DEF6: variants seen among roughly 807,000 people sequenced by gnomAD.
The protein encoded by DEF6 is DEF6 guanine nucleotide exchange factor, also known as differentially expressed in FDCP 6 homolog.
A neutral mutation model predicts 80.5 loss-of-function variants in DEF6; 32 were observed. The observed-to-expected ratio is 0.40, with a 90% CI of 0.30 to 0.53. The LOEUF (loss-of-function observed/expected upper bound fraction) is 0.53, where lower values mean the gene tolerates loss of function less well. DEF6 is among the 20% of genes least tolerant of loss of function. The pLI, the probability that DEF6 is intolerant of heterozygous loss-of-function variation, is 0.57. For synonymous variants in DEF6, 300 were observed against 337.9 expected, an observed-to-expected ratio of 0.89 and a Z score of 1.23; for missense variants, 575 against 818.7, an observed-to-expected ratio of 0.70 and a Z score of 3.63.
At chr6:35,309,494 CT>C (rs1791434915) in intron 1 of DEF6, among the ~76,000 whole-genome samples, 175 bp from the exon 2 acceptor site, 3 of 152,156 alleles carry the variant, frequency 2.0e-5, no homozygotes, top group South Asian at 4.1e-4. Context: ...ATGTAAAGTA[CT>C]TTAGCTCAGT....
Position 35,314,407 on chromosome 6 carries a change from CAA to C in DEF6, c.807+1654_807+1655del, listed in dbSNP as rs34185807. ...GGGTGACAGGAGTGAAACTCTATCT[CAA>C]AAAAAAAAAAAAAAAAAAGATGTTC... On this transcript the variant is annotated intron_variant, in intron 5 of 10. Transcript: ENST00000316637. 6.0e-3 allele frequency among the ~76,000 whole-genome samples: 595 copies of C among 99,216 alleles called. 3 individuals are homozygous for C. The highest frequency in any genetic ancestry group is 0.01 in the Admixed American group (103 of 9,822). 65.1% of individuals were successfully genotyped at this position (99,216 alleles called of 152,430 possible). A position where few individuals can be genotyped will look rare whatever the true frequency, so the allele number is the denominator to read the frequency against.
In DEF6 at chr6:35,313,962, A is replaced by T. The variant is rs77717258; in HGVS notation, c.807+1190A>T. Among the ~76,000 whole-genome samples the T allele has an allele frequency of 5.3e-4, 81 of 152,360 alleles. No homozygotes were observed. The East Asian group carries it at 0.012, about 22-fold the overall frequency. On this transcript the variant is annotated intron_variant, in intron 5 of 10. Coordinates refer to ENST00000316637, the MANE Select transcript of DEF6 (RefSeq NM_022047.4). ...ACTTTCTTTTAGATATATACCCAGC[A>T]GTGGAACTTCTAGATCATATGATAG... is the stretch of plus-strand genomic sequence containing the variant.
chr6:35,317,858 C>T (rs1791540037), intron 5 of DEF6, 33 bp from the exon 6 acceptor site: 1 of 1,595,044 alleles, frequency 6.3e-7, no homozygotes. Context: ...CCCAGTGAGG[C>T]CAGCCTGGCT....
rs1447353991 is a variant in DEF6 at position 35,308,721 on chromosome 6, ATAAAATAAAT to A, written c.97-948_97-939del. ...ATAAAATAAAATAAAATAAAATAAA[ATAAAATAAAT>A]AAAATAATAAAATAAAATAAAATAA... On this transcript the variant is annotated intron_variant, in intron 1 of 10. Coordinates refer to ENST00000316637, the MANE Select transcript of DEF6 (RefSeq NM_022047.4). Among the ~76,000 whole-genome samples, 4 of 145,576 alleles carry A rather than the reference ATAAAATAAAT, an allele frequency of 2.7e-5. 1 individual carries two copies. The highest frequency in any genetic ancestry group is 6.1e-5 in the Non-Finnish European group (4 of 66,012).
At chr6:35,303,497 C>A (rs1345281263) in intron 1 of DEF6, among the ~76,000 whole-genome samples, 1 of 152,170 alleles carries the variant, frequency 6.6e-6, no homozygotes, top group African/African-American at 2.4e-5. Context: ...TAATGAGCAT[C>A]CATTAGGTGC....
chr6:35,312,132 T>C lies in DEF6; in HGVS notation c.424-170T>C, dbSNP rs1352465110. 6.6e-6 allele frequency among the ~76,000 whole-genome samples: 1 copy of C among 152,128 alleles called. No homozygotes were observed. The highest frequency in any genetic ancestry group is 1.9e-4 in the East Asian group (1 of 5,184). ...AGTTGGGGTTGGGGCTCCAGGATCCTCTCCCAGGTCTTTTCCCTGGCTCCA... is the reference window on the plus strand; with the variant it reads ...AGTTGGGGTTGGGGCTCCAGGATCCCCTCCCAGGTCTTTTCCCTGGCTCCA... On this transcript the variant is annotated intron_variant, in intron 3 of 10. Coordinates refer to ENST00000316637, the MANE Select transcript of DEF6 (RefSeq NM_022047.4). This position sits in a 1 kb window ranked among gnomAD's most constrained non-coding sequence, Gnocchi z 6.6.
chr6:35,312,466 C>T lies in DEF6; in HGVS notation c.588C>T (p.Gly196=), dbSNP rs752905282. Residue 196 remains glycine, a synonymous_variant, in exon 4 of 11, where the codon GGC becomes GGT. Transcript: ENST00000316637. The surrounding 1 kb of genome is among the most constrained non-coding windows in gnomAD (Gnocchi z 6.6). The part of the protein sequence containing the change: ...ELFNSGRCLR[G]VGRDTLSMAI... The stretch of plus-strand genomic sequence containing the variant: ...TCAATTCGGGCCGCTGCCTGCGGGG[C>T]GTGGGCCGGGACACCCTCAGCATGG... 1.8e-5 allele frequency: 29 copies of T among 1,614,018 alleles called. No homozygotes were observed. In the East Asian group the frequency reaches 3.6e-4, roughly 20 times the overall value.
chr6:35,318,044 C>A lies in DEF6; in HGVS notation c.916+45C>A. ...CTTGGGTCTGGGTGGTCCTTAGGCG[C>A]CTCATCTGTGAAAAGGGGGTGATAA... On this transcript the variant is annotated intron_variant, in intron 6 of 10. Transcript: ENST00000316637. The surrounding 1 kb of genome is among the most constrained non-coding windows in gnomAD (Gnocchi z 5.1). 6.3e-7 allele frequency: 1 copy of A among 1,579,522 alleles called. No homozygotes were observed. The highest frequency in any genetic ancestry group is 8.6e-7 in the Non-Finnish European group (1 of 1,161,854).
Position 35,321,314 on chromosome 6 carries a change from C to G in DEF6, c.1800C>G (p.Ser600Arg). 1 of 1,614,162 alleles carries G rather than the reference C, an allele frequency of 6.2e-7. No homozygotes were observed. The change falls in exon 11 of 11, where the codon AGC (serine) becomes AGG (arginine). Residue 600 changes from serine (S) to arginine (R), a missense_variant. Physicochemically the swap from Ser to Arg is moderately radical, Grantham distance 110. Transcript: ENST00000316637. Reference protein sequence around the residue: ...SQGNRTPSPNSNEQQKSLNGG... With the variant: ...SQGNRTPSPNRNEQQKSLNGG... ...GCAACAGGACCCCCTCGCCCAACAG[C>G]AATGAGCAGCAGAAGTCCCTCAATG...
chr6:35,319,323 C>G lies in DEF6; in HGVS notation c.1216-201C>G, dbSNP rs887869675. On this transcript the variant is annotated intron_variant, in intron 7 of 10. Transcript: ENST00000316637. This position sits in a 1 kb window ranked among gnomAD's most constrained non-coding sequence, Gnocchi z 4.5. ...GGAAGGAAATAACTTGAGCCCGTTT[C>G]CCCCACGTGGCATCTGTTCACCGAC... Among the ~76,000 whole-genome samples, 23 of 152,092 alleles carry G rather than the reference C, an allele frequency of 1.5e-4. No individual in the cohort carries two copies. Among genetic ancestry groups the G allele is most frequent in the African/African-American group, 4.8e-4 (20 of 41,466 alleles).
chr6:35,317,841 G>T (rs1257677206), intron 5 of DEF6, 50 bp from the exon 6 acceptor site: 1 of 1,540,728 alleles, frequency 6.5e-7, no homozygotes. Flanking sequence ...GGCAGGTGGG[G>T]CCCTGACCCA....
At chr6:35,317,612 G>A in intron 5 of DEF6, 1 of 325,724 alleles carries the variant, frequency 3.1e-6, no homozygotes, top group South Asian at 4.9e-5. Context: ...GTTCAAGCGT[G>A]ATCTGCATAA....
intron 1 of DEF6, among the ~76,000 whole-genome samples, chr6:35,300,594 T>G (rs1167615098): frequency 6.6e-6 from 1 of 152,248 alleles, no homozygotes; most frequent in Non-Finnish European, 1.5e-5. Context: ...CAGATACTTC[T>G]TTCTCTCTTT....
chr6:35,319,665 G>A lies in DEF6; in HGVS notation c.1357G>A (p.Glu453Lys). The change falls in exon 8 of 11, where the codon GAA becomes AAA. Residue 453 changes from glutamate (E) to lysine (K), a missense_variant. By Grantham distance (56) the Glu-to-Lys change is moderately conservative (BLOSUM62 1). Coordinates refer to ENST00000316637, the MANE Select transcript of DEF6 (RefSeq NM_022047.4). This position sits in a 1 kb window ranked among gnomAD's most constrained non-coding sequence, Gnocchi z 4.5. The part of the protein sequence containing the change: ...QLEVKARRDE[E>K]SVRIAQTRLL... ...AGAGGTGAAAGCTCGGCGAGATGAA[G>A]AATCTGTGCGAATCGCTCAGACCAG... 1.2e-6 allele frequency: 2 copies of A among 1,612,860 alleles called. No homozygotes were observed. Among genetic ancestry groups the A allele is most frequent in the South Asian group, 1.1e-5 (1 of 90,962 alleles).
intron 1 of DEF6, among the ~76,000 whole-genome samples, chr6:35,304,496 C>G (rs1283792979): frequency 6.6e-6 from 1 of 152,212 alleles, no homozygotes; most frequent in Non-Finnish European, 1.5e-5. Flanking sequence ...CAAGAATATG[C>G]CTGACCTGCT....
In DEF6 at chr6:35,320,067, G is replaced by A. The variant is rs1186093726; in HGVS notation, c.1581+50G>A. The A allele has an allele frequency of 2.6e-6, 4 of 1,524,692 alleles. 1 individual carries two copies. In the Admixed American group the frequency reaches 7.9e-5, roughly 30 times the overall value. The allele number at this position is 1,524,692 out of a possible 1,614,324, so 94.4% of individuals were successfully genotyped here. A position where few individuals can be genotyped will look rare whatever the true frequency, so the allele number is the denominator to read the frequency against. ...GGAGGCTGGCAGGGTGAGCTCATTA[G>A]GGCACAGGCTCTGGAGCCAGGCTGC... On this transcript the variant is annotated intron_variant, in intron 9 of 10. Transcript: ENST00000316637.
intron 1 of DEF6, among the ~76,000 whole-genome samples, chr6:35,298,996 G>A (rs1018751317): frequency 1.3e-5 from 2 of 152,186 alleles, no homozygotes; most frequent in African/African-American, 4.8e-5. Flanking sequence ...ATACCTGAGA[G>A]ATGAATGGGA....
chr6:35,303,048 C>G (rs997197785), intron 1 of DEF6, among the ~76,000 whole-genome samples: 2 of 152,148 alleles, frequency 1.3e-5, no homozygotes, highest in South Asian at 2.1e-4. Flanking sequence ...CTAGTCACAC[C>G]CTCTCTCCAC....
intron 1 of DEF6, among the ~76,000 whole-genome samples, chr6:35,308,734 A>T (rs975221742): frequency 2.5e-4 from 36 of 146,026 alleles, no homozygotes; most frequent in African/African-American, 8.9e-4. Flanking sequence ...AAATAAATAA[A>T]ATAATAAAAT....
Sources: allele counts gnomAD v4.1 joint callset (sites outside exome capture counted in the v4.1 genomes callset), GRCh38; gene constraint gnomAD v4.1.1; non-coding constraint Gnocchi (gnomAD v3.1); transcripts MANE v1.5; gene names NCBI Gene and HGNC (gene_info 2026-07-23, HGNC 2026-07-21).